Variants in MCPH1 observed in about 807,000 individuals in gnomAD.
MCPH1 encodes the protein microcephalin.
In MCPH1, 104 loss-of-function variants were observed where a neutral mutation model predicts 84.5. The ratio of observed to expected loss-of-function variants is 1.23; its 90% CI spans 1.05 to 1.45. The LOEUF is 1.45. Ranked by LOEUF, MCPH1 falls within the 40% of genes most tolerant of loss-of-function variation. The pLI, the probability that MCPH1 is intolerant of heterozygous loss-of-function variation, is 0.00. For missense variants in MCPH1, 1,498 were observed against 1,005.7 expected, an observed-to-expected ratio of 1.49 and a Z score of -6.62; for synonymous variants, 514 against 366.8, an observed-to-expected ratio of 1.40 and a Z score of -4.58.
chr8:6,572,653 C>G (rs1826755531), intron 12 of MCPH1, among the ~76,000 whole-genome samples: 1 of 152,234 alleles, frequency 6.6e-6, no homozygotes, highest in African/African-American at 2.4e-5. Flanking sequence ...TAGGAGCTGT[C>G]TCTGTATCCT....
intron 3 of MCPH1, among the ~76,000 whole-genome samples, chr8:6,421,991 G>A (rs1436951762): frequency 6.6e-6 from 1 of 152,202 alleles, no homozygotes; most frequent in African/African-American, 2.4e-5. Flanking sequence ...TTGCAAGGTC[G>A]CTTTATCAGA....
chr8:6,586,210 C>A (rs1305654819), intron 12 of MCPH1, among the ~76,000 whole-genome samples: 1 of 152,118 alleles, frequency 6.6e-6, no homozygotes. Context: ...ATCCTCCTGC[C>A]TCAGCCTCCC....
chr8:6,481,484 C>T (rs999937270), intron 11 of MCPH1, among the ~76,000 whole-genome samples: 5 of 152,202 alleles, frequency 3.3e-5, no homozygotes, highest in African/African-American at 1.2e-4. Flanking sequence ...CCTAAGGTTG[C>T]TCCAAAGCAT....
chr8:6,641,426 T>G (rs1586904869), intron 13 of MCPH1, among the ~76,000 whole-genome samples: 5 of 152,316 alleles, frequency 3.3e-5, no homozygotes, highest in Admixed American at 3.3e-4. Context: ...AAATTGAAAC[T>G]TATACATGGC....
At chr8:6,625,324 A>G in intron 13 of MCPH1, 1 of 985,448 alleles carries the variant, frequency 1.0e-6, no homozygotes, top group Non-Finnish European at 1.2e-6. Flanking sequence ...AGTGTGGCAG[A>G]TTGACGGTAT....
intron 11 of MCPH1, chr8:6,494,549 T>C (rs147608665): frequency 1.2e-4 from 18 of 152,348 alleles, no homozygotes; most frequent in African/African-American, 3.6e-4. Flanking sequence ...TAAATATCGT[T>C]ATTATTCAAC....
chr8:6,614,354 T>C (rs1462679995), intron 12 of MCPH1, among the ~76,000 whole-genome samples: 4 of 152,174 alleles, frequency 2.6e-5, no homozygotes, highest in African/African-American at 9.7e-5. Context: ...GCCTCCTTTA[T>C]AGCTTTCCGC....
At chr8:6,611,897 C>T (rs1433091184) in intron 12 of MCPH1, among the ~76,000 whole-genome samples, 1 of 152,188 alleles carries the variant, frequency 6.6e-6, no homozygotes, top group Non-Finnish European at 1.5e-5. Flanking sequence ...GGATTACAGG[C>T]GTGAGCCACC....
intron 13 of MCPH1, among the ~76,000 whole-genome samples, chr8:6,640,103 C>CGT (rs1180598292): frequency 8.2e-6 from 1 of 122,332 alleles, no homozygotes; most frequent in African/African-American, 2.8e-5. Flanking sequence ...TGTGTGCGCG[C>CGT]GCGTGTGTGT....
intron 12 of MCPH1, chr8:6,532,620 C>CG: frequency 1.7e-6 from 1 of 602,642 alleles, no homozygotes. Context: ...ACCTTGCCTT[C>CG]CTTTTGGAAT....
chr8:6,598,396 C>A (rs967458467), intron 12 of MCPH1, among the ~76,000 whole-genome samples: 1 of 152,028 alleles, frequency 6.6e-6, no homozygotes, highest in Admixed American at 6.6e-5. Flanking sequence ...AAGACAGAGC[C>A]GGCGACCGGC....
intron 12 of MCPH1, among the ~76,000 whole-genome samples, chr8:6,592,213 G>C (rs1271043634): frequency 3.3e-5 from 5 of 151,964 alleles, no homozygotes; most frequent in African/African-American, 1.2e-4. Context: ...AGTGCAATGG[G>C]GTGATCCTGG....
In MCPH1 at chr8:6,577,725, A is replaced by G. The variant is rs193279762; in HGVS notation, c.2215-43729A>G. The stretch of plus-strand genomic sequence containing the variant: ...CACTACACTGTATTATTCTAATCCT[A>G]TTTTCACAATTTAACAAATGTGAGA... On this transcript the variant is annotated intron_variant, in intron 12 of 13. Coordinates refer to ENST00000344683, the MANE Select transcript of MCPH1 (RefSeq NM_024596.5). 1.6e-4 allele frequency among the ~76,000 whole-genome samples: 24 copies of G among 152,326 alleles called. No homozygotes were observed. The East Asian group carries it at 4.6e-3, about 29-fold the overall frequency.
chr8:6,579,908 G>A lies in MCPH1; in HGVS notation c.2215-41546G>A, dbSNP rs535201207. Among the ~76,000 whole-genome samples, 19 of 152,298 alleles carry A rather than the reference G, an allele frequency of 1.2e-4. No homozygotes were observed. In the South Asian group the frequency reaches 3.1e-3, roughly 25 times the overall value. On this transcript the variant is annotated intron_variant, in intron 12 of 13. Transcript: ENST00000344683. ...ACTGCCCACACAGAACTGGCCTGGCGAGGTGTTACTTTGACCACCATTGCT... is the reference window on the plus strand; with the variant it reads ...ACTGCCCACACAGAACTGGCCTGGCAAGGTGTTACTTTGACCACCATTGCT...
chr8:6,601,546 C>CA (rs765172632), intron 12 of MCPH1, among the ~76,000 whole-genome samples: 7 of 122,268 alleles, frequency 5.7e-5, no homozygotes, highest in African/African-American at 1.9e-4. Flanking sequence ...CACACACACA[C>CA]CCCTACGCAC....
At chr8:6,567,650 G>C (rs921496713) in intron 12 of MCPH1, among the ~76,000 whole-genome samples, 3 of 152,146 alleles carry the variant, frequency 2.0e-5, no homozygotes, top group African/African-American at 7.2e-5. Flanking sequence ...GCCTCGGGGA[G>C]CCAATGGGAG....
At chr8:6,640,498 C>T (rs548818862) in intron 13 of MCPH1, among the ~76,000 whole-genome samples, 3 of 152,076 alleles carry the variant, frequency 2.0e-5, no homozygotes, top group Non-Finnish European at 4.4e-5. Context: ...ATTTATCATT[C>T]GTGAATTACC....
intron 11 of MCPH1, among the ~76,000 whole-genome samples, chr8:6,483,410 C>G (rs1809469975): frequency 6.6e-6 from 1 of 152,202 alleles, no homozygotes; most frequent in Admixed American, 6.5e-5. Context: ...CTGGCACTAC[C>G]TGCTTTTGGG....
chr8:6,620,101 C>G (rs1831254699), intron 12 of MCPH1: 1 of 152,188 alleles, frequency 6.6e-6, no homozygotes, highest in Non-Finnish European at 1.5e-5. Context: ...TTTCCACTGC[C>G]TATCTCGCAG....
Sources: gnomAD v4.1 joint callset for allele counts (sites outside exome capture counted in the v4.1 genomes callset) on GRCh38, gnomAD v4.1.1 for gene constraint, MANE v1.5 for transcripts, NCBI Gene and HGNC (gene_info 2026-07-23, HGNC 2026-07-21) for gene names.